FBXL7: variants seen among roughly 807,000 people sequenced by gnomAD.
FBXL7 encodes F-box/LRR-repeat protein 7.
FBXL7 carries 12 observed loss-of-function variants against 38.3 expected under a neutral mutation model. That is an observed-to-expected ratio of 0.31 (90% CI 0.20 to 0.51). FBXL7 has a LOEUF of 0.51. Ranked by LOEUF, FBXL7 falls within the 20% of genes least tolerant of loss-of-function variation. FBXL7 has a pLI of 0.98. For missense variants in FBXL7, 567 were observed against 676.4 expected, an observed-to-expected ratio of 0.84 and a Z score of 1.79; for synonymous variants, 297 against 300.9, an observed-to-expected ratio of 0.99 and a Z score of 0.13.
At chr5:15,649,065 T>A (rs1352318904) in intron 2 of FBXL7, among the ~76,000 whole-genome samples, 1 of 152,130 alleles carries the variant, frequency 6.6e-6, no homozygotes, top group Non-Finnish European at 1.5e-5. Context: ...GGCATGATCT[T>A]GGCTCACTGC....
intron 2 of FBXL7, among the ~76,000 whole-genome samples, chr5:15,787,617 G>C (rs1163374559): frequency 6.6e-6 from 1 of 152,202 alleles, no homozygotes; most frequent in Non-Finnish European, 1.5e-5. Flanking sequence ...GAGGTACTCT[G>C]TTGTTAGCTT....
intron 1 of FBXL7, among the ~76,000 whole-genome samples, chr5:15,569,815 T>G (rs6420023): frequency 0.55 from 84,269 of 151,980 alleles, 24,295 homozygotes; most frequent in African/African-American, 0.71. Flanking sequence ...GTTGAATTTT[T>G]TCAAAGGCCT....
At chr5:15,892,886 G>A (rs569483020) in intron 2 of FBXL7, among the ~76,000 whole-genome samples, 1 of 152,158 alleles carries the variant, frequency 6.6e-6, no homozygotes, top group Non-Finnish European at 1.5e-5. Context: ...GGGAGGCCGA[G>A]GGGGGCGGAT....
At chr5:15,869,404 T>C (rs993945895) in intron 2 of FBXL7, among the ~76,000 whole-genome samples, 9 of 152,154 alleles carry the variant, frequency 5.9e-5, no homozygotes, top group African/African-American at 1.9e-4. Context: ...AATGTTGTTA[T>C]CAGCCGTACT....
At chr5:15,869,407 G>A (rs1739856128) in intron 2 of FBXL7, among the ~76,000 whole-genome samples, 1 of 152,144 alleles carries the variant, frequency 6.6e-6, no homozygotes, top group Non-Finnish European at 1.5e-5. Context: ...GTTGTTATCA[G>A]CCGTACTTCC....
intron 1 of FBXL7, among the ~76,000 whole-genome samples, chr5:15,503,902 A>G (rs1580341164): frequency 2.0e-5 from 3 of 152,370 alleles, no homozygotes; most frequent in African/African-American, 4.8e-5. Flanking sequence ...TAACACGTCA[A>G]TATTCTGTTG....
Position 15,635,825 on chromosome 5 carries a change from G to A in FBXL7, c.127+19753G>A, listed in dbSNP as rs1245165614. ...GCGTGGCCCTGGGAATGGGCAGTGA[G>A]GGCACCTGCCACCTCCGTAGGAGCT... On this transcript the variant is annotated intron_variant, in intron 2 of 3. Transcript: ENST00000504595. 2.6e-5 allele frequency among the ~76,000 whole-genome samples: 4 copies of A among 152,152 alleles called. No individual in the cohort carries two copies. In the South Asian group the frequency reaches 8.3e-4, roughly 32 times the overall value.
At position 15,620,412 on chromosome 5, in the gene FBXL7, TG is replaced by T. The variant is rs59195555; in HGVS notation, c.127+4341del. ...CACGCCCAGCTAATTTTTTGTTTTT[TG>T]TTTTTTTTTTTTTTTAAGTAGAAAC... On this transcript the variant is annotated intron_variant, in intron 2 of 3. Coordinates refer to ENST00000504595, the MANE Select transcript of FBXL7 (RefSeq NM_012304.5). Among the ~76,000 whole-genome samples the T allele has an allele frequency of 7.0e-3, 727 of 103,878 alleles. 10 individuals are homozygous for T. The highest frequency in any genetic ancestry group is 0.016 in the Middle Eastern group (3 of 192). 68.1% of individuals were successfully genotyped at this position (103,878 alleles called of 152,430 possible). A position where few individuals can be genotyped will look rare whatever the true frequency, so the allele number is the denominator to read the frequency against.
chr5:15,665,603 A>T (rs1034330570), intron 2 of FBXL7, among the ~76,000 whole-genome samples: 2 of 152,194 alleles, frequency 1.3e-5, no homozygotes, highest in Non-Finnish European at 2.9e-5. Context: ...ATCTAGATGC[A>T]GTTTTATGAA....
chr5:15,923,214 A>C (rs1325633806), intron 2 of FBXL7, among the ~76,000 whole-genome samples: 8 of 152,216 alleles, frequency 5.3e-5, no homozygotes, highest in Admixed American at 4.6e-4. Flanking sequence ...GCTATTGCCA[A>C]TGTCCATTTA....
At chr5:15,634,490 T>G (rs1318768939) in intron 2 of FBXL7, among the ~76,000 whole-genome samples, 1 of 135,240 alleles carries the variant, frequency 7.4e-6, no homozygotes, top group Non-Finnish European at 1.6e-5. Flanking sequence ...CCTGGCTAAT[T>G]TTTGTATTTT....
chr5:15,559,385 A>T lies in FBXL7; in HGVS notation c.38-56598A>T, dbSNP rs1334810002. The stretch of plus-strand genomic sequence containing the variant: ...GAATCTCACAACTGTGTGCATATTT[A>T]TGGATGTGCACATGTATCTGTGTGA... On this transcript the variant is annotated intron_variant, in intron 1 of 3. Coordinates refer to ENST00000504595, the MANE Select transcript of FBXL7 (RefSeq NM_012304.5). Among the ~76,000 whole-genome samples the T allele has an allele frequency of 2.0e-5, 3 of 152,174 alleles. No homozygotes were observed. The East Asian group carries it at 5.8e-4, about 29-fold the overall frequency.
At chr5:15,696,485 C>T (rs898924647) in intron 2 of FBXL7, among the ~76,000 whole-genome samples, 6 of 152,204 alleles carry the variant, frequency 3.9e-5, no homozygotes, top group Middle Eastern at 6.8e-3. Context: ...AGCTGAACCT[C>T]GACCTAAATT....
At chr5:15,662,491 G>A (rs1742119937) in intron 2 of FBXL7, among the ~76,000 whole-genome samples, 1 of 152,160 alleles carries the variant, frequency 6.6e-6, no homozygotes, top group Non-Finnish European at 1.5e-5. Context: ...TTTCTGTGCA[G>A]AAGCTCTAAA....
At chr5:15,812,275 G>A (rs528412607) in intron 2 of FBXL7, among the ~76,000 whole-genome samples, 1 of 152,206 alleles carries the variant, frequency 6.6e-6, no homozygotes, top group Admixed American at 6.5e-5. Context: ...ACTCATAAGT[G>A]GGAGTTGAAC....
intron 2 of FBXL7, among the ~76,000 whole-genome samples, chr5:15,833,599 C>T (rs768564859): frequency 6.6e-6 from 1 of 152,228 alleles, no homozygotes; most frequent in Non-Finnish European, 1.5e-5. Flanking sequence ...CTCTCTAAAG[C>T]AATAGTCACA....
At chr5:15,774,584 A>G (rs905876671) in intron 2 of FBXL7, among the ~76,000 whole-genome samples, 16 of 152,160 alleles carry the variant, frequency 1.1e-4, no homozygotes, top group African/African-American at 3.1e-4. Flanking sequence ...TGGACTCCAG[A>G]TTTCTGTCCT....
At chr5:15,755,809 A>G (rs1402658609) in intron 2 of FBXL7, among the ~76,000 whole-genome samples, 1 of 152,206 alleles carries the variant, frequency 6.6e-6, no homozygotes, top group African/African-American at 2.4e-5. Context: ...GCCAATCAGA[A>G]TGCTGTAAAA....
At chr5:15,840,057 T>A (rs1738701888) in intron 2 of FBXL7, among the ~76,000 whole-genome samples, 1 of 152,242 alleles carries the variant, frequency 6.6e-6, no homozygotes, top group Admixed American at 6.5e-5. Flanking sequence ...CCTTCTCTTG[T>A]TGCATTTTTA....
Sources: allele counts gnomAD v4.1 joint callset (sites outside exome capture counted in the v4.1 genomes callset), GRCh38; gene constraint gnomAD v4.1.1; transcripts MANE v1.5; gene names NCBI Gene and HGNC (gene_info 2026-07-23, HGNC 2026-07-21).